Variants in HNRNPUL1 observed in about 807,000 individuals in gnomAD.
The protein encoded by HNRNPUL1 is heterogeneous nuclear ribonucleoprotein U like 1.
In HNRNPUL1, 14 loss-of-function variants were observed where a neutral mutation model predicts 108.5. That is an observed-to-expected ratio of 0.13 (90% CI 0.09 to 0.20). The LOEUF (loss-of-function observed/expected upper bound fraction) is 0.20. Ranked by LOEUF, HNRNPUL1 falls within the 10% of genes least tolerant of loss-of-function variation. HNRNPUL1 has a pLI of 1.00. For missense variants in HNRNPUL1, 804 were observed against 1,168.3 expected, an observed-to-expected ratio of 0.69 and a Z score of 4.55; for synonymous variants, 422 against 445.2, an observed-to-expected ratio of 0.95 and a Z score of 0.66.
At chr19:41,282,213 G>A (rs555913867) in intron 7 of HNRNPUL1, among the ~76,000 whole-genome samples, 21 of 151,708 alleles carry the variant, frequency 1.4e-4, no homozygotes, top group Non-Finnish European at 2.5e-4. Flanking sequence ...TGAGTTTTTT[G>A]CTCTTGTTGC....
intron 3 of HNRNPUL1, 25 bp from the exon 4 acceptor site, chr19:41,273,957 G>T: frequency 6.3e-7 from 1 of 1,591,442 alleles, no homozygotes; most frequent in South Asian, 1.1e-5. Context: ...GTTCTTGTAT[G>T]ACTTAACCCC....
At chr19:41,299,811 A>G (rs548870941) in intron 10 of HNRNPUL1, among the ~76,000 whole-genome samples, 198 of 152,074 alleles carry the variant, frequency 1.3e-3, no homozygotes, top group African/African-American at 4.4e-3. Flanking sequence ...GGAGGTCACT[A>G]TAAGCTTAAC....
intron 1 of HNRNPUL1, among the ~76,000 whole-genome samples, chr19:41,266,340 G>A (rs2034842921): frequency 6.6e-6 from 1 of 152,114 alleles, no homozygotes; most frequent in Non-Finnish European, 1.5e-5. Context: ...GGCTGAGGCA[G>A]GAGAATCGCT....
At chr19:41,300,321 A>AT (rs71177711) in intron 10 of HNRNPUL1, among the ~76,000 whole-genome samples, 20,962 of 145,274 alleles carry the variant, frequency 0.14, 1,619 homozygotes, top group East Asian at 0.3. Context: ...TTCAGAATAC[A>AT]TTTTTTTTTT....
At chr19:41,265,219 G>C (rs963146752) in intron 1 of HNRNPUL1, 5 of 1,519,462 alleles carry the variant, frequency 3.3e-6, no homozygotes, top group Admixed American at 4.0e-5. Context: ...TGTGGGCTGG[G>C]GGGTGGGGAG....
chr19:41,296,395 T>A lies in HNRNPUL1; in HGVS notation c.1518+1709T>A, dbSNP rs142559847. On this transcript the variant is annotated intron_variant, in intron 10 of 14. Transcript: ENST00000392006. ...GTGGTCTTCAGGGCTACCAGCCTCC[T>A]GCTTAAGGGACATGTGGGTCAGGCC... Among the ~76,000 whole-genome samples, 944 of 152,320 alleles carry A rather than the reference T, an allele frequency of 6.2e-3. 7 individuals carry two copies. Among genetic ancestry groups the A allele is most frequent in the African/African-American group, 0.021 (891 of 41,574 alleles).
chr19:41,305,303 A>T (rs1039165533), intron 13 of HNRNPUL1, among the ~76,000 whole-genome samples: 5 of 152,246 alleles, frequency 3.3e-5, no homozygotes, highest in African/African-American at 9.6e-5. Flanking sequence ...CCTGTTGAGT[A>T]CCCAGTGGTT....
intron 6 of HNRNPUL1, 58 bp downstream of exon 6, chr19:41,279,234 T>A: frequency 8.4e-7 from 1 of 1,194,968 alleles, no homozygotes; most frequent in Non-Finnish European, 1.2e-6. Flanking sequence ...TACCCTTGGA[T>A]TTTCAAGGCT....
intron 2 of HNRNPUL1, among the ~76,000 whole-genome samples, chr19:41,269,350 C>G (rs2035065778): frequency 6.6e-6 from 1 of 151,724 alleles, no homozygotes; most frequent in Non-Finnish European, 1.5e-5. Context: ...ACTACATGCA[C>G]ACACCTATAG....
intron 7 of HNRNPUL1, chr19:41,291,978 TCAAAAAAAAAAAAAA>T (rs761635282): frequency 1.9e-5 from 7 of 375,434 alleles, no homozygotes; most frequent in Middle Eastern, 7.7e-4. Flanking sequence ...AGACCCTGTC[TCAAAAAAAAAAAAAA>T]CAAAAAAAAA....
chr19:41,268,379 G>A (rs2034989246), intron 2 of HNRNPUL1, 34 bp downstream of exon 2: 5 of 1,605,938 alleles, frequency 3.1e-6, no homozygotes, highest in Non-Finnish European at 4.3e-6. Context: ...CTCTTTGGAT[G>A]GAAACAATCT....
At chr19:41,286,761 G>C (rs1042102170) in intron 7 of HNRNPUL1, 25 of 132,250 alleles carry the variant, frequency 1.9e-4, no homozygotes, top group African/African-American at 7.5e-4. Context: ...TTGTCCCCCA[G>C]GTTTGAGTGC....
At chr19:41,276,343 A>C in intron 5 of HNRNPUL1, 45 bp downstream of exon 5, 1 of 1,561,282 alleles carries the variant, frequency 6.4e-7, no homozygotes, top group Non-Finnish European at 8.7e-7. Context: ...AAGTCCATCC[A>C]TTGTAATATC....
chr19:41,268,302 G>T lies in HNRNPUL1; in HGVS notation c.375G>T (p.Glu125Asp). ...VIKQENESGY[E>D]RRPLEMEQQQ... ...AACAAGAAAACGAGTCAGGCTACGA[G>T]AGGAGACCACTGGAAATGGAGCAGC... is the stretch of plus-strand genomic sequence containing the variant. The change falls in exon 2 of 15, where the codon GAG (glutamate) becomes GAT (aspartate). Residue 125 changes from glutamate (E) to aspartate (D), a missense_variant. Transcript: ENST00000392006. 6.2e-7 allele frequency: 1 copy of T among 1,614,068 alleles called. No homozygotes were observed. The highest frequency in any genetic ancestry group is 1.1e-5 in the South Asian group (1 of 91,076).
chr19:41,272,250 C>T lies in HNRNPUL1; in HGVS notation c.572+15C>T. The T allele has an allele frequency of 1.2e-6, 2 of 1,611,032 alleles. No individual in the cohort carries two copies. The highest frequency in any genetic ancestry group is 8.5e-7 in the Non-Finnish European group (1 of 1,179,026). ...GAGGATAGGAGGTGGGTGTATGAGG[C>T]AGCAGTCACCCTTGCTCTGGTAGGT... On this transcript the variant is annotated intron_variant, in intron 3 of 14. Coordinates refer to ENST00000392006, the MANE Select transcript of HNRNPUL1 (RefSeq NM_007040.6).
At chr19:41,301,940 G>A (rs111403605) in intron 11 of HNRNPUL1, among the ~76,000 whole-genome samples, 4,497 of 152,300 alleles carry the variant, frequency 0.03, 173 homozygotes, top group Admixed American at 0.11. Context: ...GGGAAAGGAT[G>A]TATGGGAGCT....
Position 41,264,769 on chromosome 19 carries a change from C to T in HNRNPUL1, c.266C>T (p.Pro89Leu). ...PPPGLQPHAE[P>L]GGYSGPDGHY... ...CCCGGGCTGCAGCCGCACGCGGAGC[C>T]CGGCGGCTACTCGGGGCCGGACGGA... The change falls in exon 1 of 15, where the codon CCC becomes CTC. Residue 89 changes from proline to leucine, a missense_variant. Physicochemically the swap from Pro to Leu is moderately conservative, Grantham distance 98. Around this residue, in one of 4 missense-constraint regions of HNRNPUL1, gnomAD observed 256 missense variants for 261.6 expected, o/e 0.98. Transcript: ENST00000392006. 1 of 1,375,612 alleles carries T rather than the reference C, an allele frequency of 7.3e-7. No homozygotes were observed. Among genetic ancestry groups the T allele is most frequent in the Non-Finnish European group, 9.4e-7 (1 of 1,068,968 alleles). The allele number at this position is 1,375,612 out of a possible 1,614,324, so 85.2% of individuals were successfully genotyped here. A position where few individuals can be genotyped will look rare whatever the true frequency, so the allele number is the denominator to read the frequency against.
chr19:41,271,833 G>T (rs1272580621), intron 2 of HNRNPUL1, among the ~76,000 whole-genome samples: 2 of 152,216 alleles, frequency 1.3e-5, no homozygotes, highest in African/African-American at 4.8e-5. Context: ...AACTAAGGCA[G>T]AGAGGTTCTT....
Position 41,264,656 on chromosome 19 carries a change from C to T in HNRNPUL1, c.153C>T (p.Asp51=). Residue 51 remains aspartate, a synonymous_variant, in exon 1 of 15, where the codon GAC becomes GAT. Transcript: ENST00000392006. ...EPDDERELDA[D]DEPGRPGHIN... is the part of the protein sequence containing the mutation. ...ACGACGAGCGGGAGCTCGACGCCGA[C>T]GACGAACCGGGGCGACCCGGGCACA... 1.3e-6 allele frequency: 2 copies of T among 1,584,960 alleles called. No homozygotes were observed. Among genetic ancestry groups the T allele is most frequent in the Non-Finnish European group, 1.7e-6 (2 of 1,173,164 alleles).
Sources: allele counts gnomAD v4.1 joint callset (sites outside exome capture counted in the v4.1 genomes callset), GRCh38; gene constraint gnomAD v4.1.1; regional missense constraint gnomAD v4.1.1; transcripts MANE v1.5; gene names NCBI Gene and HGNC (gene_info 2026-07-23, HGNC 2026-07-21).